Variants in ANO7 observed in about 807,000 individuals in gnomAD.
ANO7 encodes the protein anoctamin-7.
Under a neutral mutation model 115.8 loss-of-function variants are expected in ANO7, and 114 were observed. The observed-to-expected ratio is 0.98, with a 90% CI of 0.85 to 1.15. The LOEUF (loss-of-function observed/expected upper bound fraction) is 1.15, where lower values mean the gene tolerates loss of function less well. Among genes scored for constraint, ANO7 ranks in the 50% most tolerant of loss-of-function variants. The pLI is 0.00. For missense variants in ANO7, 1,302 were observed against 1,201.2 expected, an observed-to-expected ratio of 1.08 and a Z score of -1.24; for synonymous variants, 550 against 498.2, an observed-to-expected ratio of 1.10 and a Z score of -1.38.
At chr2:241,200,634 G>A (rs547458941) in intron 6 of ANO7, among the ~76,000 whole-genome samples, 105 of 152,350 alleles carry the variant, frequency 6.9e-4, no homozygotes, top group African/African-American at 2.4e-3. Flanking sequence ...TCCTGGAAAC[G>A]ACACGTGTGT....
downstream of ANO7, chr2:241,228,929 TGA>T (rs2069392408): frequency 6.5e-6 from 1 of 152,856 alleles, no homozygotes; most frequent in Non-Finnish European, 1.5e-5. Flanking sequence ...GACCTCAGGC[TGA>T]GGGTCTGGCA....
the ANO7 span, among the ~76,000 whole-genome samples, chr2:241,237,962 A>C: frequency 1.3e-5 from 2 of 152,230 alleles, no homozygotes; most frequent in Non-Finnish European, 2.9e-5. Flanking sequence ...CAGAGAGATG[A>C]CACTATGTGC....
the ANO7 span, chr2:241,239,706 T>C: frequency 6.2e-7 from 1 of 1,614,182 alleles, no homozygotes; most frequent in East Asian, 2.2e-5. The surrounding 1 kb of genome is among the most constrained non-coding windows in gnomAD (Gnocchi z 4.6). Context: ...CGTGGGAAGC[T>C]GACCATCACC....
At position 241,209,482 on chromosome 2, in the gene ANO7, A is replaced by G; in HGVS notation, c.1222-16A>G. The G allele has an allele frequency of 6.3e-7, 1 of 1,598,926 alleles. No individual in the cohort carries two copies. Among genetic ancestry groups the G allele is most frequent in the Non-Finnish European group, 8.5e-7 (1 of 1,172,932 alleles). ...CACCCGGCGAGGGCCGCCACTGAGC[A>G]CCGGCTCCCTTCCAGGAGAGGCCTC... On this transcript the variant is annotated splice_polypyrimidine_tract_variant and intron_variant, in intron 12 of 24. Coordinates refer to ENST00000674324, the MANE Select transcript of ANO7 (RefSeq NM_001370694.2).
downstream of ANO7, chr2:241,229,503 A>G (rs967007685): frequency 5.6e-6 from 5 of 887,394 alleles, no homozygotes; most frequent in East Asian, 2.6e-5. Flanking sequence ...AGCGTCAACA[A>G]TTTACGGAGG....
intron 21 of ANO7, among the ~76,000 whole-genome samples, chr2:241,220,911 C>T (rs1395368110): frequency 6.6e-6 from 1 of 151,004 alleles, no homozygotes; most frequent in African/African-American, 2.4e-5. Flanking sequence ...GCGGAGGTTG[C>T]AGTGAGCCGA....
intron 4 of ANO7, among the ~76,000 whole-genome samples, chr2:241,198,519 C>T (rs572818513): frequency 7.0e-4 from 106 of 152,048 alleles, no homozygotes; most frequent in African/African-American, 2.5e-3. Context: ...GGCCCCAGCA[C>T]GTTGCCCAAA....
At chr2:241,220,405 G>T (rs1043000857) in intron 21 of ANO7, among the ~76,000 whole-genome samples, 3 of 150,776 alleles carry the variant, frequency 2.0e-5, no homozygotes, top group Middle Eastern at 6.8e-3. Flanking sequence ...TAGCATTTAA[G>T]AATTTTTCTG....
intron 17 of ANO7, chr2:241,213,004 C>T (rs1652279655): frequency 4.2e-6 from 1 of 236,874 alleles, no homozygotes; most frequent in African/African-American, 2.3e-5. Flanking sequence ...AAAACCCTAC[C>T]CCACCCCAGC....
At chr2:241,201,454 AC>A (rs2068470512) in intron 7 of ANO7, 99 bp downstream of exon 7, 1 of 1,348,594 alleles carries the variant, frequency 7.4e-7, no homozygotes, top group Non-Finnish European at 1.0e-6. Flanking sequence ...CCTGCTTGAG[AC>A]CAGAGGGCCG....
Position 241,214,879 on chromosome 2 carries a change from C to T in ANO7, c.1803C>T (p.Asn601=), listed in dbSNP as rs1215964617. The T allele has an allele frequency of 6.2e-7, 1 of 1,612,754 alleles. No individual in the cohort carries two copies. Among genetic ancestry groups the T allele is most frequent in the African/African-American group, 1.3e-5 (1 of 74,932 alleles). ...TCATGGTGGGCAAGCAGGTCATCAACAACATGCAGGAGGTCCTCATCCCGT... is the reference window on the plus strand; with the variant it reads ...TCATGGTGGGCAAGCAGGTCATCAATAACATGCAGGAGGTCCTCATCCCGT... The part of the protein sequence containing the change: ...LVIMVGKQVI[N]NMQEVLIPKL... The change falls in exon 18 of 25, where the codon AAC becomes AAT. Residue 601 remains asparagine (N), a synonymous_variant. Transcript: ENST00000674324.
chr2:241,208,965 C>G (rs11674804), intron 11 of ANO7, among the ~76,000 whole-genome samples: 6 of 151,874 alleles, frequency 4.0e-5, no homozygotes, highest in Admixed American at 6.6e-5. Context: ...CTGGCTAACA[C>G]GGTGAAACCT....
At chr2:241,189,153 G>A (rs2068127704) in intron 1 of ANO7, among the ~76,000 whole-genome samples, 1 of 152,188 alleles carries the variant, frequency 6.6e-6, no homozygotes, top group East Asian at 1.9e-4. Context: ...CTTTCCTCCA[G>A]GAACACCCCA....
At chr2:241,195,408 G>C (rs921924418) in intron 3 of ANO7, among the ~76,000 whole-genome samples, 20 of 152,166 alleles carry the variant, frequency 1.3e-4, no homozygotes, top group African/African-American at 4.6e-4. Context: ...TAGGAGTCTG[G>C]GACTTACCCT....
the ANO7 span, chr2:241,240,147 T>C: frequency 3.1e-6 from 5 of 1,608,874 alleles, no homozygotes; most frequent in Non-Finnish European, 4.3e-6. The surrounding 1 kb of genome is among the most constrained non-coding windows in gnomAD (Gnocchi z 5.5). Flanking sequence ...CCCACTGTGT[T>C]AGCCTGACAC....
chr2:241,199,031 C>G, intron 4 of ANO7: 1 of 431,156 alleles, frequency 2.3e-6, no homozygotes, highest in Non-Finnish European at 4.4e-6. Context: ...GCAAGGCTCT[C>G]CCTAGCCTTA....
At chr2:241,216,687 G>C (rs1177187330) in intron 19 of ANO7, among the ~76,000 whole-genome samples, 1 of 152,246 alleles carries the variant, frequency 6.6e-6, no homozygotes, top group Non-Finnish European at 1.5e-5. Flanking sequence ...CACCTTACCA[G>C]GTGGTGGCCA....
chr2:241,204,639 G>A (rs1464419228), intron 9 of ANO7, among the ~76,000 whole-genome samples: 10 of 152,106 alleles, frequency 6.6e-5, no homozygotes, highest in Admixed American at 6.5e-4. Flanking sequence ...TGGTGTTGGG[G>A]TCAATGTGGT....
At chr2:241,229,512 G>C (rs749400516), downstream of ANO7, 5 of 937,118 alleles carry the variant, frequency 5.3e-6, no homozygotes, top group Non-Finnish European at 8.3e-6. Flanking sequence ...AATTTACGGA[G>C]GGTCCAGCCG....
Sources: allele counts gnomAD v4.1 joint callset (sites outside exome capture counted in the v4.1 genomes callset), GRCh38; gene constraint gnomAD v4.1.1; non-coding constraint Gnocchi (gnomAD v3.1); transcripts MANE v1.5; gene names NCBI Gene and HGNC (gene_info 2026-07-23, HGNC 2026-07-21).